ASIC2: variants seen among roughly 807,000 people sequenced by gnomAD.
The protein encoded by ASIC2 is acid-sensing ion channel 2.
A neutral mutation model predicts 57.3 loss-of-function variants in ASIC2; 25 were observed. The observed-to-expected ratio is 0.44, with a 90% CI of 0.32 to 0.61. The LOEUF (loss-of-function observed/expected upper bound fraction) is 0.61. Ranked by LOEUF, ASIC2 falls within the 20% of genes least tolerant of loss-of-function variation. The pLI is 0.06. For synonymous variants in ASIC2, 319 were observed against 307.5 expected, an observed-to-expected ratio of 1.04 and a Z score of -0.39; for missense variants, 641 against 738.1, an observed-to-expected ratio of 0.87 and a Z score of 1.52.
intron 1 of ASIC2, among the ~76,000 whole-genome samples, chr17:33,130,915 G>T (rs539749936): frequency 6.6e-6 from 1 of 152,328 alleles, no homozygotes; most frequent in Admixed American, 6.5e-5. Context: ...GACAACATGA[G>T]ATTTGGGGTT....
intron 1 of ASIC2, among the ~76,000 whole-genome samples, chr17:33,167,290 C>G (rs1166768705): frequency 6.6e-6 from 1 of 152,176 alleles, no homozygotes; most frequent in African/African-American, 2.4e-5. Context: ...CAGCCATGAC[C>G]AAAGCCCCTG....
In ASIC2 at chr17:33,165,324, A is replaced by G. The variant is rs561920898; in HGVS notation, c.709-53257T>C. Among the ~76,000 whole-genome samples the G allele has an allele frequency of 3.2e-4, 48 of 152,244 alleles. 1 individual carries two copies. Among genetic ancestry groups the G allele is most frequent in the Middle Eastern group, 6.8e-3 (2 of 294 alleles). ...TGAGATTTGCAGAATATTGAACTTTATGGGAGACTCTGACTTGGTATAGTC... is the reference window on the plus strand; with the variant it reads ...TGAGATTTGCAGAATATTGAACTTTGTGGGAGACTCTGACTTGGTATAGTC... On this transcript the variant is annotated intron_variant, in intron 1 of 9. Transcript: ENST00000225823.
intron 1 of ASIC2, among the ~76,000 whole-genome samples, chr17:33,832,388 G>A (rs1429456897): frequency 6.6e-6 from 1 of 152,166 alleles, no homozygotes; most frequent in Non-Finnish European, 1.5e-5. Flanking sequence ...CAGCAGACAG[G>A]GGATCTCAGT....
At chr17:34,062,527 A>G (rs1366999593) in intron 1 of ASIC2, among the ~76,000 whole-genome samples, 1 of 152,200 alleles carries the variant, frequency 6.6e-6, no homozygotes, top group Non-Finnish European at 1.5e-5. Context: ...AGATCAGAGC[A>G]GAACTAAATG....
intron 1 of ASIC2, among the ~76,000 whole-genome samples, chr17:34,046,533 A>C (rs1567799813): frequency 6.6e-6 from 1 of 152,230 alleles, no homozygotes. Flanking sequence ...TCTGCCAAGG[A>C]CTGGAAGCCA....
intron 1 of ASIC2, among the ~76,000 whole-genome samples, chr17:33,889,697 T>G (rs1335748335): frequency 3.9e-5 from 6 of 152,124 alleles, no homozygotes; most frequent in Admixed American, 2.6e-4. Context: ...TAGCGTCCAT[T>G]GTTAGGTTGG....
Position 33,562,134 on chromosome 17 carries a change from C to CT in ASIC2, c.556-450068dup, listed in dbSNP as rs530970965. Among the ~76,000 whole-genome samples the CT allele has an allele frequency of 2.1e-4, 32 of 152,330 alleles. 1 individual carries two copies. The East Asian group carries it at 5.8e-3, about 28-fold the overall frequency. ...CAAGACTCAGCTCAAAGGCCGCTTCCTTTGTGAAACCCTCTTCAACTTGTA... is the reference window on the plus strand; with the variant it reads ...CAAGACTCAGCTCAAAGGCCGCTTCCTTTTGTGAAACCCTCTTCAACTTGTA... On this transcript the variant is annotated intron_variant, in intron 1 of 9. Transcript: ENST00000359872.
At chr17:33,822,556 A>G (rs1456312807) in intron 1 of ASIC2, among the ~76,000 whole-genome samples, 1 of 152,134 alleles carries the variant, frequency 6.6e-6, no homozygotes, top group East Asian at 1.9e-4. Context: ...TGGCAGTGGA[A>G]CCCCAGCTTC....
At position 33,415,785 on chromosome 17, in the gene ASIC2, A is replaced by C. The variant is rs138468590; in HGVS notation, c.556-303718T>G. On this transcript the variant is annotated intron_variant, in intron 1 of 9. Transcript: ENST00000359872. Reference sequence around the variant, plus strand: ...GGATGAAAGAGAAAGGATTCTGATCATGTTTTCTTTGTCCCCATGATGCTG... The same window carrying C: ...GGATGAAAGAGAAAGGATTCTGATCCTGTTTTCTTTGTCCCCATGATGCTG... 2.8e-3 allele frequency among the ~76,000 whole-genome samples: 423 copies of C among 152,300 alleles called. 3 individuals are homozygous for C. The highest frequency in any genetic ancestry group is 0.017 in the Middle Eastern group (5 of 294).
At chr17:33,508,378 C>G (rs945117898) in intron 1 of ASIC2, among the ~76,000 whole-genome samples, 2 of 152,190 alleles carry the variant, frequency 1.3e-5, no homozygotes, top group African/African-American at 4.8e-5. Context: ...GAATCACAAC[C>G]TGTCTGCCTT....
In ASIC2 at chr17:33,014,066, T is replaced by G. The variant is rs1166821383; in HGVS notation, c.1591A>C (p.Ser531Arg). Residue 531 changes from serine to arginine, a missense_variant and splice_region_variant, in exon 10 of 10, where the codon AGT becomes CGT. This residue lies in a region of ASIC2 where 252 missense variants were observed against 319.8 expected (regional missense o/e 0.79). Coordinates refer to ENST00000225823, the MANE Select transcript of ASIC2 (RefSeq NM_183377.2). The part of the protein sequence containing the change: ...EDEGSHDENV[S>R]TCDTMPNHSE... ...TGGTTTGGCATTGTGTCACAAGTAC[T>G]CTGGAAGGGAAGGGTTGGTGGGAGT... 1 of 1,592,506 alleles carries G rather than the reference T, an allele frequency of 6.3e-7. No individual in the cohort carries two copies.
At chr17:33,622,924 A>C (rs1905845814) in intron 1 of ASIC2, among the ~76,000 whole-genome samples, 1 of 152,220 alleles carries the variant, frequency 6.6e-6, no homozygotes. Context: ...TTTCTTTCCC[A>C]AAAATGAGAG....
chr17:34,115,563 T>C (rs544320192), intron 1 of ASIC2, among the ~76,000 whole-genome samples: 1 of 152,326 alleles, frequency 6.6e-6, no homozygotes, highest in East Asian at 1.9e-4. Context: ...TTTTCATTCA[T>C]TCACTAATCC....
chr17:33,191,653 T>A (rs1906424109), intron 1 of ASIC2, among the ~76,000 whole-genome samples: 1 of 151,564 alleles, frequency 6.6e-6, no homozygotes, highest in Admixed American at 6.6e-5. Flanking sequence ...ACCAGTAGGG[T>A]GGCAACAGGA....
At position 33,126,856 on chromosome 17, in the gene ASIC2, C is replaced by CTTTTTT. The variant is rs1159710708; in HGVS notation, c.709-14795_709-14790dup. Among the ~76,000 whole-genome samples the CTTTTTT allele has an allele frequency of 1.4e-3, 119 of 85,318 alleles. 4 individuals carry two copies. The highest frequency in any genetic ancestry group is 3.0e-3 in the African/African-American group (62 of 20,628). 56.0% of individuals were successfully genotyped at this position (85,318 alleles called of 152,430 possible). On this transcript the variant is annotated intron_variant, in intron 1 of 9. Coordinates refer to ENST00000225823, the MANE Select transcript of ASIC2 (RefSeq NM_183377.2). ...ACCTCCCAGCAACCCTACCATTACT[C>CTTTTTT]TTTTTTTTTTTTTTTTTTTTTTGAG...
chr17:33,018,423 T>G (rs892798136), intron 7 of ASIC2, among the ~76,000 whole-genome samples: 2 of 152,236 alleles, frequency 1.3e-5, no homozygotes, highest in Admixed American at 1.3e-4. Flanking sequence ...AGGTGCATTC[T>G]CGGGCCCACC....
intron 1 of ASIC2, among the ~76,000 whole-genome samples, chr17:33,308,523 C>G (rs1390953092): frequency 6.6e-6 from 1 of 152,132 alleles, no homozygotes; most frequent in Non-Finnish European, 1.5e-5. Flanking sequence ...TAAGACCAGC[C>G]CAGCCAGAAA....
chr17:33,607,010 G>C (rs1312304161), intron 1 of ASIC2, among the ~76,000 whole-genome samples: 1 of 152,180 alleles, frequency 6.6e-6, no homozygotes, highest in Non-Finnish European at 1.5e-5. Context: ...GCTATTCTCT[G>C]GGGGAGAGGT....
rs573141792 is a variant in ASIC2 at position 33,528,307 on chromosome 17, G to T, written c.556-416240C>A. Among the ~76,000 whole-genome samples the T allele has an allele frequency of 3.3e-5, 5 of 152,054 alleles. No individual in the cohort carries two copies. In the South Asian group the frequency reaches 1.0e-3, roughly 32 times the overall value. ...CACATGGGCTTCCTGTGGGGAAAAA[G>T]GGAGGCCAATCCATTTAATTAACAC... is the stretch of plus-strand genomic sequence containing the variant. On this transcript the variant is annotated intron_variant, in intron 1 of 9. Coordinates refer to the ASIC2 transcript ENST00000359872.
Sources: gnomAD v4.1 joint callset for allele counts (sites outside exome capture counted in the v4.1 genomes callset) on GRCh38, gnomAD v4.1.1 for gene constraint, gnomAD v4.1.1 regional missense constraint, MANE v1.5 for transcripts, NCBI Gene and HGNC (gene_info 2026-07-23, HGNC 2026-07-21) for gene names.